SLC5A12: variants seen among roughly 807,000 people sequenced by gnomAD.
SLC5A12 encodes solute carrier family 5 member 12, also known as sodium-coupled monocarboxylate transporter 2.
In SLC5A12, 46 loss-of-function variants were observed where a neutral mutation model predicts 72.7. That is an observed-to-expected ratio of 0.63 (90% confidence interval 0.50 to 0.81). The LOEUF (loss-of-function observed/expected upper bound fraction) is 0.81, where lower values mean the gene tolerates loss of function less well. Among genes scored for constraint, SLC5A12 ranks in the 30% least tolerant of loss-of-function variants. The pLI, the probability that SLC5A12 is intolerant of heterozygous loss-of-function variation, is 0.00. For missense variants in SLC5A12, 683 were observed against 740.7 expected, an observed-to-expected ratio of 0.92 and a Z score of 0.90; for synonymous variants, 275 against 264.4, an observed-to-expected ratio of 1.04 and a Z score of -0.39.
At chr11:26,711,276 A>G in intron 3 of SLC5A12, 31 bp downstream of exon 3, 1 of 1,594,234 alleles carries the variant, frequency 6.3e-7, no homozygotes, top group Non-Finnish European at 8.6e-7. Context: ...TAAAAATGGT[A>G]AAATATGCCA....
At chr11:26,697,892 CTTT>C (rs34284911) in intron 7 of SLC5A12, among the ~76,000 whole-genome samples, 1 of 93,968 alleles carries the variant, frequency 1.1e-5, no homozygotes, top group East Asian at 3.7e-4. Context: ...GAGATGCCGT[CTTT>C]TTTTTTTTTT....
intron 6 of SLC5A12, among the ~76,000 whole-genome samples, chr11:26,699,826 A>G (rs548980293): frequency 6.6e-6 from 1 of 152,264 alleles, no homozygotes; most frequent in Non-Finnish European, 1.5e-5. Flanking sequence ...CTGAAATTCT[A>G]TATTTATTCA....
intron 6 of SLC5A12, among the ~76,000 whole-genome samples, chr11:26,699,250 T>G (rs767517828): frequency 2.0e-5 from 3 of 152,226 alleles, no homozygotes; most frequent in Non-Finnish European, 4.4e-5. Context: ...GGCCTTACCT[T>G]GGCCTGAGAG....
At chr11:26,703,378 G>A (rs1477280067) in intron 6 of SLC5A12, among the ~76,000 whole-genome samples, 153 bp downstream of exon 6, 3 of 151,580 alleles carry the variant, frequency 2.0e-5, no homozygotes, top group African/African-American at 7.3e-5. Context: ...TCAAAAAGTT[G>A]AAAGAGTTAA....
In SLC5A12 at chr11:26,667,967, G is replaced by A. The variant is rs1854037987; in HGVS notation, c.*3135C>T. ...ATATACTGCAGACCAAGTATTAAAT[G>A]TTCCATGTGGGCCAGTCACACTGTG... On this transcript the variant is annotated 3_prime_UTR_variant, in exon 15 of 15. Transcript: ENST00000396005. 1.3e-5 allele frequency: 2 copies of A among 151,956 alleles called. No homozygotes were observed. Among genetic ancestry groups the A allele is most frequent in the Admixed American group, 1.3e-4 (2 of 15,212 alleles). 9.4% of individuals were successfully genotyped at this position (151,956 alleles called of 1,614,324 possible). A position where few individuals can be genotyped will look rare whatever the true frequency, so the allele number is the denominator to read the frequency against.
At chr11:26,718,543 C>A (rs766085351) in intron 1 of SLC5A12, among the ~76,000 whole-genome samples, 2 of 151,952 alleles carry the variant, frequency 1.3e-5, no homozygotes, top group Non-Finnish European at 2.9e-5. Context: ...ACTGCAACCT[C>A]CCAGGTTCAA....
chr11:26,698,367 A>G, intron 7 of SLC5A12, 39 bp downstream of exon 7: 1 of 1,606,436 alleles, frequency 6.2e-7, no homozygotes, highest in Non-Finnish European at 8.5e-7. Flanking sequence ...AAGCACGCTC[A>G]TTCCAGACAC....
chr11:26,702,614 G>A (rs541988671), intron 6 of SLC5A12, among the ~76,000 whole-genome samples: 8 of 152,208 alleles, frequency 5.3e-5, no homozygotes, highest in African/African-American at 1.7e-4. Flanking sequence ...TGGAGCATGG[G>A]GTGGCTTGCA....
At chr11:26,704,712 T>C (rs148117545) in intron 4 of SLC5A12, among the ~76,000 whole-genome samples, 99 of 152,274 alleles carry the variant, frequency 6.5e-4, no homozygotes, top group African/African-American at 2.3e-3. Context: ...GTGGATGGAC[T>C]GTTTTGGAGG....
rs770000290 is a variant in SLC5A12, at chr11:26,698,555, C to T, written c.822-20G>A. ...AAGGCACTAGAAAAGAGCACATGGG[C>T]CTATTGGTAGCCTGTATACCATATC... On this transcript the variant is annotated intron_variant, in intron 6 of 14. Transcript: ENST00000396005. 5 of 1,613,010 alleles carry T rather than the reference C, an allele frequency of 3.1e-6. No individual in the cohort carries two copies. In the South Asian group the frequency reaches 4.4e-5, roughly 14 times the overall value.
chr11:26,703,849 C>T lies in SLC5A12; in HGVS notation c.624G>A (p.Gly208=). 6.2e-7 allele frequency: 1 copy of T among 1,613,888 alleles called. No homozygotes were observed. Among genetic ancestry groups the T allele is most frequent in the East Asian group, 2.2e-5 (1 of 44,850 alleles). Reference sequence around the variant, plus strand: ...ATTGCTCTAATACATTGTGGAATCCCCCAGCATGAGTTGATCCTTGAATGA... The same window carrying T: ...ATTGCTCTAATACATTGTGGAATCCTCCAGCATGAGTTGATCCTTGAATGA... The part of the protein sequence containing the change: ...TVLIQGSTHA[G]GFHNVLEQST... Residue 208 remains glycine (G), a synonymous_variant, in exon 5 of 15, where the codon GGG becomes GGA. Transcript: ENST00000396005.
At chr11:26,711,221 A>T (rs1003475123) in intron 3 of SLC5A12, 86 bp downstream of exon 3, 2 of 1,130,306 alleles carry the variant, frequency 1.8e-6, no homozygotes, top group Non-Finnish European at 2.6e-6. Context: ...ATATCTCCCC[A>T]ACAAAGTATT....
At chr11:26,684,230 G>A (rs575030044) in intron 10 of SLC5A12, among the ~76,000 whole-genome samples, 24 of 152,204 alleles carry the variant, frequency 1.6e-4, no homozygotes, top group African/African-American at 4.6e-4. Context: ...TACAATGCAT[G>A]ATTGTTTTTT....
At position 26,709,315 on chromosome 11, in the gene SLC5A12, G is replaced by A; in HGVS notation, c.522C>T (p.Thr174=). 6.2e-7 allele frequency: 1 copy of A among 1,609,212 alleles called. No homozygotes were observed. Among genetic ancestry groups the A allele is most frequent in the Non-Finnish European group, 8.5e-7 (1 of 1,176,938 alleles). The change falls in exon 4 of 15, where the codon ACC becomes ACT. Residue 174 remains threonine, a synonymous_variant. Transcript: ENST00000396005. ...TTCTTCACAGCTAGATACATACCAG[G>A]GTACAGTAGAATGTGCAAACAATTC... The part of the protein sequence containing the change: ...ATGIVCTFYC[T]LGGLKAVVWT...
At chr11:26,684,285 C>A (rs980566926) in intron 10 of SLC5A12, among the ~76,000 whole-genome samples, 2 of 152,038 alleles carry the variant, frequency 1.3e-5, no homozygotes, top group African/African-American at 4.8e-5. Context: ...ATATTCTTGA[C>A]AAAATGGAGG....
chr11:26,692,688 G>A (rs1590721725), intron 8 of SLC5A12, 87 bp from the exon 9 acceptor site: 1 of 821,756 alleles, frequency 1.2e-6, no homozygotes, highest in East Asian at 2.5e-5. Context: ...AGATAGATAA[G>A]GCAGGCCTCT....
At chr11:26,672,050 TA>T (rs1488267627) in intron 14 of SLC5A12, among the ~76,000 whole-genome samples, 1 of 152,156 alleles carries the variant, frequency 6.6e-6, no homozygotes, top group Non-Finnish European at 1.5e-5. Flanking sequence ...TTTCCAATTT[TA>T]AATTCTCACA....
chr11:26,721,602 G>A lies in SLC5A12; in HGVS notation c.113C>T (p.Ser38Phe). The part of the protein sequence containing the change: ...FAIKERKKAT[S>F]REFLVGGRQM... ...CCTTCCCCCAACCAGGAACTCTCGG[G>A]AAGTTGCCTTTTTTCTCTCCTTAAT... is the stretch of plus-strand genomic sequence containing the variant. Residue 38 changes from serine to phenylalanine, a missense_variant, in exon 1 of 15, where the codon TCC becomes TTC. Ser to Phe is a radical substitution (Grantham distance 155, BLOSUM62 -2). Transcript: ENST00000396005. 6.2e-7 allele frequency: 1 copy of A among 1,614,180 alleles called. No homozygotes were observed. The highest frequency in any genetic ancestry group is 8.5e-7 in the Non-Finnish European group (1 of 1,180,042).
intron 9 of SLC5A12, among the ~76,000 whole-genome samples, chr11:26,688,001 C>T (rs1440678464): frequency 1.3e-5 from 2 of 152,172 alleles, no homozygotes; most frequent in Non-Finnish European, 2.9e-5. Flanking sequence ...CTTCTGACTG[C>T]CCTCTCACTG....
Sources: allele counts gnomAD v4.1 joint callset (sites outside exome capture counted in the v4.1 genomes callset), GRCh38; gene constraint gnomAD v4.1.1; transcripts MANE v1.5; gene names NCBI Gene and HGNC (gene_info 2026-07-23, HGNC 2026-07-21).